Variants in CORO1B observed in about 807,000 individuals in gnomAD.
CORO1B encodes the protein coronin-1B.
A neutral mutation model predicts 51.1 loss-of-function variants in CORO1B; 30 were observed. That is an observed-to-expected ratio of 0.59 (90% CI 0.44 to 0.80). The LOEUF (loss-of-function observed/expected upper bound fraction) is 0.80. Ranked by LOEUF, CORO1B falls within the 30% of genes least tolerant of loss-of-function variation. The pLI is 0.00. For missense variants in CORO1B, 648 were observed against 700.4 expected, an observed-to-expected ratio of 0.93 and a Z score of 0.84; for synonymous variants, 310 against 289.7, an observed-to-expected ratio of 1.07 and a Z score of -0.71.
upstream of CORO1B, chr11:67,443,781 G>C (rs1056142715): frequency 4.7e-5 from 46 of 985,290 alleles, no homozygotes; most frequent in African/African-American, 8.0e-4. Flanking sequence ...TCGCGTTCTT[G>C]CTCCTCATAA....
In CORO1B at chr11:67,441,872, G is replaced by A; in HGVS notation, c.325-10C>T. 6.2e-7 allele frequency: 1 copy of A among 1,613,182 alleles called. No homozygotes were observed. The highest frequency in any genetic ancestry group is 8.5e-7 in the Non-Finnish European group (1 of 1,179,984). On this transcript the variant is annotated splice_polypyrimidine_tract_variant and intron_variant, in intron 3 of 10. Coordinates refer to ENST00000341356, the MANE Select transcript of CORO1B (RefSeq NM_020441.3). ...CTGGGATCTGCCACACCTGTGGTAG[G>A]GACAGGGCCACCGAGCTCAGTCCTC... is the stretch of plus-strand genomic sequence containing the variant.
At position 67,436,002 on chromosome 11, in the gene CORO1B, C is replaced by T. The variant is rs369972242; in HGVS notation, c.*2374G>A. 154 of 1,613,766 alleles carry T rather than the reference C, an allele frequency of 9.5e-5. No homozygotes were observed. Among genetic ancestry groups the T allele is most frequent in the Non-Finnish European group, 1.3e-4 (149 of 1,179,902 alleles). Reference sequence around the variant, plus strand: ...TCAGCCTGCAGGCCACCATCCGCGACGTGGTCATAGTCTGTGTCCTGCTCA... The same window carrying T: ...TCAGCCTGCAGGCCACCATCCGCGATGTGGTCATAGTCTGTGTCCTGCTCA... On this transcript the variant is annotated 3_prime_UTR_variant, in exon 11 of 11. Coordinates refer to ENST00000341356, the MANE Select transcript of CORO1B (RefSeq NM_020441.3).
Position 67,441,717 on chromosome 11 carries a change from G to T in CORO1B, c.454+16C>A. On this transcript the variant is annotated intron_variant, in intron 4 of 10. Coordinates refer to ENST00000341356, the MANE Select transcript of CORO1B (RefSeq NM_020441.3). The stretch of plus-strand genomic sequence containing the variant: ...TCCGTGGGGGGGGGGAGCACAAAAC[G>T]GGGGGCGGTGCAGACCTGCACTGAG... The T allele has an allele frequency of 6.3e-7, 1 of 1,592,598 alleles. No individual in the cohort carries two copies. Among genetic ancestry groups the T allele is most frequent in the Non-Finnish European group, 8.6e-7 (1 of 1,168,300 alleles).
upstream of CORO1B, chr11:67,443,677 CG>C (rs1425059440): frequency 9.5e-5 from 91 of 958,846 alleles, no homozygotes; most frequent in Non-Finnish European, 1.1e-4. Context: ...GCAGCTCCTC[CG>C]GAAGAAGGGG....
intron 6 of CORO1B, 139 bp downstream of exon 6, chr11:67,440,986 G>GAC (rs779124342): frequency 3.1e-6 from 4 of 1,298,958 alleles, no homozygotes; most frequent in Non-Finnish European, 4.3e-6. Context: ...AGGAAAGTCT[G>GAC]ACAGAGTCCT....
intron 1 of CORO1B, among the ~76,000 whole-genome samples, chr11:67,443,203 G>T (rs1372403842): frequency 6.6e-6 from 1 of 152,188 alleles, no homozygotes; most frequent in Non-Finnish European, 1.5e-5. Context: ...GGGGTCCAGG[G>T]TGAACCAGGA....
Position 67,438,382 on chromosome 11 carries a change from A to G in CORO1B, c.1464T>C (p.Asp488=). Residue 488 remains aspartate, a synonymous_variant, in exon 11 of 11, where the codon GAT becomes GAC. Transcript: ENST00000341356. ...EEQLGRMENG[D]A Reference sequence around the variant, plus strand: ...GTGGCGTGTGGCTGTGGCCCTACGCATCCCCGTTCTCCATGCGGCCCAGCT... The same window carrying G: ...GTGGCGTGTGGCTGTGGCCCTACGCGTCCCCGTTCTCCATGCGGCCCAGCT... The G allele has an allele frequency of 6.2e-7, 1 of 1,603,478 alleles. No individual in the cohort carries two copies. Among genetic ancestry groups the G allele is most frequent in the South Asian group, 1.1e-5 (1 of 90,804 alleles).
At chr11:67,442,811 C>T (rs915921578) in intron 1 of CORO1B, among the ~76,000 whole-genome samples, 181 bp from the exon 2 acceptor site, 7 of 152,180 alleles carry the variant, frequency 4.6e-5, no homozygotes, top group African/African-American at 1.2e-4. Flanking sequence ...CCTGTCACCC[C>T]GCAGGCAGTG....
Position 67,437,374 on chromosome 11 carries a change from T to C in CORO1B, c.*1002A>G, listed in dbSNP as rs1008755861. 9.9e-5 allele frequency: 40 copies of C among 404,360 alleles called. No homozygotes were observed. The highest frequency in any genetic ancestry group is 7.4e-4 in the African/African-American group (36 of 48,504). The allele number at this position is 404,360 out of a possible 1,614,324, so 25.0% of individuals were successfully genotyped here. On this transcript the variant is annotated 3_prime_UTR_variant, in exon 11 of 11. Transcript: ENST00000341356. ...AGTTCCCGCTCACAGGAAGACCAGG[T>C]AAGGGCCTTCCCAGGGCTCCTGACA...
intron 9 of CORO1B, among the ~76,000 whole-genome samples, chr11:67,439,358 A>G (rs1212739718): frequency 1.3e-5 from 2 of 152,240 alleles, no homozygotes; most frequent in African/African-American, 4.8e-5. Context: ...GCCAAGCCAC[A>G]TGTGGCCCGG....
intron 1 of CORO1B, 21 bp from the exon 2 acceptor site, chr11:67,442,651 G>T (rs1163781859): frequency 4.3e-6 from 7 of 1,609,694 alleles, no homozygotes; most frequent in Non-Finnish European, 5.9e-6. Context: ...GAGAGGCCTG[G>T]GTCAGTCCGG....
intron 6 of CORO1B, chr11:67,440,841 G>T: frequency 1.5e-6 from 1 of 661,540 alleles, no homozygotes; most frequent in South Asian, 1.6e-5. Flanking sequence ...GGAGCCCTGT[G>T]CAGGCAGTGG....
chr11:67,439,997 C>T (rs1864364062), intron 8 of CORO1B, 121 bp downstream of exon 8: 8 of 1,488,234 alleles, frequency 5.4e-6, no homozygotes, highest in Admixed American at 1.9e-5. Flanking sequence ...TGCCTCGTGA[C>T]AGTTCTCATG....
At position 67,438,907 on chromosome 11, in the gene CORO1B, G is replaced by C. The variant is rs761632617; in HGVS notation, c.1108C>G (p.Pro370Ala). ...TCCTCAGCCTCCAGGGCTGCCTCGG[G>C]CCCGGCTGTGTCGGGGTACAGATCA... The part of the protein sequence containing the change: ...QDDLYPDTAG[P>A]EAALEAEEWV... Residue 370 changes from proline to alanine, a missense_variant, in exon 10 of 11, where the codon CCC becomes GCC. By Grantham distance (27) the Pro-to-Ala change is conservative (BLOSUM62 -1). Coordinates refer to ENST00000341356, the MANE Select transcript of CORO1B (RefSeq NM_020441.3). 1 of 1,609,292 alleles carries C rather than the reference G, an allele frequency of 6.2e-7. No individual in the cohort carries two copies. Among genetic ancestry groups the C allele is most frequent in the African/African-American group, 1.3e-5 (1 of 75,046 alleles).
Position 67,438,216 on chromosome 11 carries a change from G to A in CORO1B, c.*160C>T, listed in dbSNP as rs2135139414. On this transcript the variant is annotated 3_prime_UTR_variant, in exon 11 of 11. Transcript: ENST00000341356. ...CCACAGGAACAGTGAGGAAAGCTGGGCGCTGGCTTCGGCCTGGGCCTGGGA... is the reference window on the plus strand; with the variant it reads ...CCACAGGAACAGTGAGGAAAGCTGGACGCTGGCTTCGGCCTGGGCCTGGGA... The A allele has an allele frequency of 1.2e-6, 1 of 867,798 alleles. No individual in the cohort carries two copies. The highest frequency in any genetic ancestry group is 2.7e-5 in the Admixed American group (1 of 37,698). 53.8% of individuals were successfully genotyped at this position (867,798 alleles called of 1,614,324 possible). A position where few individuals can be genotyped will look rare whatever the true frequency, so the allele number is the denominator to read the frequency against.
In CORO1B at chr11:67,437,602, G is replaced by A; in HGVS notation, c.*774C>T. 2 of 1,353,050 alleles carry A rather than the reference G, an allele frequency of 1.5e-6. No homozygotes were observed. Among genetic ancestry groups the A allele is most frequent in the Non-Finnish European group, 1.9e-6 (2 of 1,043,656 alleles). The allele number at this position is 1,353,050 out of a possible 1,614,324, so 83.8% of individuals were successfully genotyped here. A position where few individuals can be genotyped will look rare whatever the true frequency, so the allele number is the denominator to read the frequency against. ...TGGCCCCCATCCCAAGAACCCGGGG[G>A]GCTCCGAGGCTTACCATTGGTCCGC... is the stretch of plus-strand genomic sequence containing the variant. On this transcript the variant is annotated 3_prime_UTR_variant, in exon 11 of 11. Coordinates refer to ENST00000341356, the MANE Select transcript of CORO1B (RefSeq NM_020441.3).
At position 67,438,193 on chromosome 11, in the gene CORO1B, A is replaced by G. The variant is rs758175618; in HGVS notation, c.*183T>C. The G allele has an allele frequency of 1.4e-6, 1 of 697,464 alleles. No individual in the cohort carries two copies. Among genetic ancestry groups the G allele is most frequent in the African/African-American group, 1.8e-5 (1 of 55,762 alleles). 43.2% of individuals were successfully genotyped at this position (697,464 alleles called of 1,614,324 possible). A position where few individuals can be genotyped will look rare whatever the true frequency, so the allele number is the denominator to read the frequency against. ...GCTCGCCTGGGCGTAGACATCCTCC[A>G]CAGGAACAGTGAGGAAAGCTGGGCG... On this transcript the variant is annotated 3_prime_UTR_variant, in exon 11 of 11. Transcript: ENST00000341356.
intron 8 of CORO1B, 31 bp downstream of exon 8, chr11:67,440,086 CT>C (rs757753919): frequency 4.4e-6 from 7 of 1,586,986 alleles, no homozygotes; most frequent in East Asian, 2.2e-5. Context: ...TTAGATGCCC[CT>C]ATCCCCGAGT....
chr11:67,440,428 C>G lies in CORO1B; in HGVS notation c.768G>C (p.Glu256Asp). The G allele has an allele frequency of 2.5e-6, 4 of 1,613,806 alleles. No homozygotes were observed. Among genetic ancestry groups the G allele is most frequent in the Non-Finnish European group, 2.5e-6 (3 of 1,179,982 alleles). ...CCAGTTCCTGCAGGGCCATGGGTTC[C>G]TCGAGGTTTTCCTGGCACATTGCAG... is the stretch of plus-strand genomic sequence containing the variant. ...QLALWDPENL[E>D]EPMALQELDS... Residue 256 changes from glutamate (E) to aspartate (D), a missense_variant, in exon 7 of 11, where the codon GAG (glutamate) becomes GAC (aspartate). Transcript: ENST00000341356.
Sources: gnomAD v4.1 joint callset for allele counts (sites outside exome capture counted in the v4.1 genomes callset) on GRCh38, gnomAD v4.1.1 for gene constraint, MANE v1.5 for transcripts, NCBI Gene and HGNC (gene_info 2026-07-23, HGNC 2026-07-21) for gene names.